Variants in PTPRN2 observed in about 807,000 individuals in gnomAD.
PTPRN2 encodes protein tyrosine phosphatase receptor type N2.
In PTPRN2, 74 loss-of-function variants were observed where a neutral mutation model predicts 118.8. The ratio of observed to expected loss-of-function variants is 0.62; its 90% CI spans 0.52 to 0.76. The LOEUF (loss-of-function observed/expected upper bound fraction) is 0.76, where lower values mean the gene tolerates loss of function less well. Among genes scored for constraint, PTPRN2 ranks in the 30% least tolerant of loss-of-function variants. PTPRN2 has a pLI of 0.00. For missense variants in PTPRN2, 1,481 were observed against 1,394.4 expected (o/e 1.06, Z -0.99); for synonymous variants, 641 against 608.0 (o/e 1.05, Z -0.80).
chr7:157,942,593 A>C (rs991092116), intron 11 of PTPRN2, among the ~76,000 whole-genome samples: 1 of 152,054 alleles, frequency 6.6e-6, no homozygotes, highest in Non-Finnish European at 1.5e-5. Context: ...AGCTGGTGGA[A>C]TATGACTCCA....
At chr7:157,778,558 A>C (rs1274861172) in intron 12 of PTPRN2, among the ~76,000 whole-genome samples, 1 of 152,168 alleles carries the variant, frequency 6.6e-6, no homozygotes, top group Non-Finnish European at 1.5e-5. Context: ...TTGGATGCCC[A>C]CATACATGTG....
At chr7:157,834,826 C>T (rs1807823618) in intron 12 of PTPRN2, among the ~76,000 whole-genome samples, 1 of 152,166 alleles carries the variant, frequency 6.6e-6, no homozygotes, top group Non-Finnish European at 1.5e-5. Flanking sequence ...GTCATGAACC[C>T]CAAATGTGTT....
At chr7:157,844,280 G>A (rs1808643447) in intron 12 of PTPRN2, among the ~76,000 whole-genome samples, 1 of 152,210 alleles carries the variant, frequency 6.6e-6, no homozygotes, top group Non-Finnish European at 1.5e-5. Context: ...CACACTCTCT[G>A]AAGGAGATTC....
At chr7:157,919,931 A>C (rs568737818) in intron 11 of PTPRN2, among the ~76,000 whole-genome samples, 12 of 152,296 alleles carry the variant, frequency 7.9e-5, no homozygotes, top group African/African-American at 2.6e-4. Context: ...TGTGCAAATG[A>C]TACACAAATG....
intron 12 of PTPRN2, among the ~76,000 whole-genome samples, chr7:157,772,195 A>T (rs1439462417): frequency 6.6e-6 from 1 of 151,772 alleles, no homozygotes; most frequent in Non-Finnish European, 1.5e-5. Context: ...ACAGACACAC[A>T]TACATACACA....
At chr7:158,256,964 T>C (rs1797059829) in intron 3 of PTPRN2, among the ~76,000 whole-genome samples, 1 of 152,202 alleles carries the variant, frequency 6.6e-6, no homozygotes, top group Admixed American at 6.5e-5. Context: ...TTTTGCCGTC[T>C]GGGAGCTTGG....
intron 9 of PTPRN2, among the ~76,000 whole-genome samples, chr7:158,112,387 G>T (rs113291733): frequency 6.6e-6 from 1 of 152,208 alleles, no homozygotes; most frequent in Admixed American, 6.5e-5. Context: ...GGGGGCCGCG[G>T]TGCCACATGG....
At chr7:157,564,320 C>T (rs1799375920) in intron 21 of PTPRN2, among the ~76,000 whole-genome samples, 1 of 152,118 alleles carries the variant, frequency 6.6e-6, no homozygotes, top group Non-Finnish European at 1.5e-5. Flanking sequence ...GGTTTTGCCA[C>T]GTTGGCCAGG....
rs1236408550 is a variant in PTPRN2 at position 157,618,923 on chromosome 7, C to T, written c.2344+2439G>A. Among the ~76,000 whole-genome samples, 1 of 152,068 alleles carries T rather than the reference C, an allele frequency of 6.6e-6. No homozygotes were observed. Among genetic ancestry groups the T allele is most frequent in the Non-Finnish European group, 1.5e-5 (1 of 68,014 alleles). On this transcript the variant is annotated intron_variant, in intron 15 of 22. Transcript: ENST00000389418. This position sits in a 1 kb window ranked among gnomAD's most constrained non-coding sequence, Gnocchi z 4.2. ...AGGTGCAGGCAGCTTCTTTCTGGCTCCAGTGCGAGTCTCGGGAGGGAGGTG... is the reference window on the plus strand; with the variant it reads ...AGGTGCAGGCAGCTTCTTTCTGGCTTCAGTGCGAGTCTCGGGAGGGAGGTG...
At chr7:157,644,440 T>C (rs553846195) in intron 14 of PTPRN2, among the ~76,000 whole-genome samples, 22 of 151,794 alleles carry the variant, frequency 1.4e-4, no homozygotes, top group South Asian at 2.1e-4. Flanking sequence ...CCCCTGGAGG[T>C]CCACAGACCT....
intron 12 of PTPRN2, 99 bp downstream of exon 12, chr7:157,898,574 G>T: frequency 8.0e-7 from 1 of 1,244,164 alleles, no homozygotes; most frequent in Non-Finnish European, 1.2e-6. Flanking sequence ...GACCTTGGCT[G>T]AATTAACCTG....
rs537042892 is a variant in PTPRN2, at chr7:158,097,239, G to A, written c.1643+13590C>T. ...CAGGGTGGGAGAGGGGCAGGCACTG[G>A]GGAAGGAGGTGGAGGGGCCCGGGCA... On this transcript the variant is annotated intron_variant, in intron 10 of 22. Coordinates refer to ENST00000389418, the MANE Select transcript of PTPRN2 (RefSeq NM_002847.5). Among the ~76,000 whole-genome samples, 102 of 152,222 alleles carry A rather than the reference G, an allele frequency of 6.7e-4. 2 individuals are homozygous for A. Among genetic ancestry groups the A allele is most frequent in the African/African-American group, 2.0e-3 (82 of 41,522 alleles).
intron 6 of PTPRN2, among the ~76,000 whole-genome samples, chr7:158,143,277 G>A (rs757238110): frequency 2.1e-4 from 32 of 152,132 alleles, no homozygotes; most frequent in Non-Finnish European, 3.4e-4. Context: ...GAAGGGTCCC[G>A]GGCTCCACCA....
intron 1 of PTPRN2, among the ~76,000 whole-genome samples, chr7:158,507,010 C>T (rs1822797635): frequency 6.6e-6 from 1 of 152,196 alleles, no homozygotes; most frequent in African/African-American, 2.4e-5. Context: ...GAGGCCCCAG[C>T]ATGGTCAGCT....
At chr7:158,355,668 T>C (rs550807442) in intron 2 of PTPRN2, among the ~76,000 whole-genome samples, 1 of 152,256 alleles carries the variant, frequency 6.6e-6, no homozygotes, top group African/African-American at 2.4e-5. Flanking sequence ...GTCCCCTCAT[T>C]TGCTGGACTC....
At position 157,556,725 on chromosome 7, in the gene PTPRN2, C is replaced by T. The variant is rs1013841737; in HGVS notation, c.2903-7706G>A. On this transcript the variant is annotated intron_variant, in intron 21 of 22. Transcript: ENST00000389418. ...CACATATACACATGTGTGCACATGC[C>T]CACACTACACTCACACCCCACACTC... is the stretch of plus-strand genomic sequence containing the variant. Among the ~76,000 whole-genome samples, 40 of 149,100 alleles carry T rather than the reference C, an allele frequency of 2.7e-4. 1 individual carries two copies. The highest frequency in any genetic ancestry group is 1.8e-4 in the Non-Finnish European group (12 of 67,324).
chr7:157,542,706 G>T (rs1376438048), intron 22 of PTPRN2, among the ~76,000 whole-genome samples: 1 of 152,230 alleles, frequency 6.6e-6, no homozygotes, highest in Non-Finnish European at 1.5e-5. Context: ...ACAGAGACAG[G>T]TGCTCTACTC....
intron 12 of PTPRN2, among the ~76,000 whole-genome samples, chr7:157,840,271 GCGTGTGACTGTGTGAC>G (rs1245373177): frequency 2.8e-5 from 4 of 142,198 alleles, no homozygotes; most frequent in South Asian, 4.7e-4. Context: ...CTGTGTGGCC[GCGTGTGACTGTGTGAC>G]CGTGTGACTG....
rs111894154 is a variant in PTPRN2, at chr7:157,851,806, C to T, written c.1788+46867G>A. Among the ~76,000 whole-genome samples, 876 of 152,356 alleles carry T rather than the reference C, an allele frequency of 5.7e-3. 8 individuals carry two copies. Among genetic ancestry groups the T allele is most frequent in the African/African-American group, 0.02 (832 of 41,584 alleles). ...GAATTTGGCAGACAGTGATGTGAGA[C>T]GCTCACATGGCAAACTTTCTTTTCT... On this transcript the variant is annotated intron_variant, in intron 12 of 22. Coordinates refer to ENST00000389418, the MANE Select transcript of PTPRN2 (RefSeq NM_002847.5).
Sources: gnomAD v4.1 joint callset for allele counts (sites outside exome capture counted in the v4.1 genomes callset) on GRCh38, gnomAD v4.1.1 for gene constraint, Gnocchi (gnomAD v3.1) non-coding constraint, MANE v1.5 for transcripts, NCBI Gene and HGNC (gene_info 2026-07-23, HGNC 2026-07-21) for gene names.